Variants in MTCH2 observed in about 807,000 individuals in gnomAD.
The protein encoded by MTCH2 is mitochondrial carrier 2.
Under a neutral mutation model 50.6 loss-of-function variants are expected in MTCH2, and 25 were observed. That is an observed-to-expected ratio of 0.49 (90% CI 0.36 to 0.69). MTCH2 has a LOEUF of 0.69. Ranked by LOEUF, MTCH2 falls within the 30% of genes least tolerant of loss-of-function variation. The probability of loss-of-function intolerance (pLI) is 0.00; values close to 1 mark genes in which losing one functional copy is unlikely to be tolerated. For missense variants in MTCH2, 273 were observed against 384.4 expected, an observed-to-expected ratio of 0.71 and a Z score of 2.42; for synonymous variants, 106 against 132.0, an observed-to-expected ratio of 0.80 and a Z score of 1.35.
At chr11:47,636,893 AT>A (rs1050348934) in intron 3 of MTCH2, among the ~76,000 whole-genome samples, 1 of 152,122 alleles carries the variant, frequency 6.6e-6, no homozygotes, top group African/African-American at 2.4e-5. Context: ...CTCTAAAAAA[AT>A]AATAATAAAT....
At chr11:47,626,331 CTT>C (rs572241881) in intron 10 of MTCH2, among the ~76,000 whole-genome samples, 16 of 135,436 alleles carry the variant, frequency 1.2e-4, no homozygotes, top group East Asian at 2.1e-4. Flanking sequence ...CCTGCCCCAG[CTT>C]TTTTTTTTTT....
In MTCH2 at chr11:47,631,693, C is replaced by T. The variant is rs201087705; in HGVS notation, c.388G>A (p.Ala130Thr). ...GTGATGAGGGTAGCAGCAGAACGAGCGATCATCTCTCGAGTTGTCTAGAAA... is the reference window on the plus strand; with the variant it reads ...GTGATGAGGGTAGCAGCAGAACGAGTGATCATCTCTCGAGTTGTCTAGAAA... Reference protein sequence around the residue: ...VIKETTREMIARSAATLITHP... With the variant: ...VIKETTREMITRSAATLITHP... The change falls in exon 6 of 13, where the codon GCT becomes ACT. Residue 130 changes from alanine (A) to threonine (T), a missense_variant. Transcript: ENST00000302503. 6.8e-6 allele frequency: 11 copies of T among 1,613,964 alleles called. No individual in the cohort carries two copies. The highest frequency in any genetic ancestry group is 5.1e-6 in the Non-Finnish European group (6 of 1,179,952).
the MTCH2 span, among the ~76,000 whole-genome samples, chr11:47,605,323 C>T: frequency 0.98 from 149,878 of 152,304 alleles, 73,777 homozygotes; most frequent in East Asian, 1. Flanking sequence ...CCATTCCTAC[C>T]GGTTTCTATT....
At chr11:47,636,464 C>A (rs1400520885) in intron 3 of MTCH2, among the ~76,000 whole-genome samples, 1 of 149,486 alleles carries the variant, frequency 6.7e-6, no homozygotes, top group Non-Finnish European at 1.5e-5. Flanking sequence ...GGGCATGGTG[C>A]CTCACGCCTG....
chr11:47,633,660 C>A (rs1030204696), intron 5 of MTCH2, among the ~76,000 whole-genome samples: 5 of 150,032 alleles, frequency 3.3e-5, no homozygotes, highest in African/African-American at 1.2e-4. Flanking sequence ...CCTCAGCCCC[C>A]CAAGTAGCTG....
At chr11:47,631,589 CCTAT>C in intron 6 of MTCH2, 61 bp downstream of exon 6, 1 of 1,530,834 alleles carries the variant, frequency 6.5e-7, no homozygotes, top group South Asian at 1.1e-5. Flanking sequence ...CCCACGTCAA[CCTAT>C]CTAAGTGGTC....
chr11:47,625,813 G>C (rs1366462785), intron 10 of MTCH2, 72 bp from the exon 11 acceptor site: 2 of 1,237,050 alleles, frequency 1.6e-6, no homozygotes, highest in South Asian at 1.3e-5. Context: ...TTACCTTAAA[G>C]GCCTAGTGCC....
At chr11:47,625,511 ATCT>A (rs2097297228) in intron 11 of MTCH2, among the ~76,000 whole-genome samples, 160 bp downstream of exon 11, 2 of 152,180 alleles carry the variant, frequency 1.3e-5, no homozygotes, top group Admixed American at 6.5e-5. Flanking sequence ...AAAATTAGGA[ATCT>A]TCTAATGGTA....
intron 9 of MTCH2, 68 bp from the exon 10 acceptor site, chr11:47,627,195 C>A: frequency 8.1e-7 from 1 of 1,229,356 alleles, no homozygotes; most frequent in South Asian, 1.4e-5. Flanking sequence ...ATTCTTTTTT[C>A]CTTTTCTTTT....
downstream of MTCH2, among the ~76,000 whole-genome samples, chr11:47,615,434 C>T (rs1384835082): frequency 6.6e-6 from 1 of 152,088 alleles, no homozygotes; most frequent in Non-Finnish European, 1.5e-5. Context: ...GAAGGCACAG[C>T]CCTCTCACCC....
At chr11:47,642,258 G>A (rs1223042765) in intron 1 of MTCH2, 121 bp downstream of exon 1, 1 of 836,390 alleles carries the variant, frequency 1.2e-6, no homozygotes, top group Non-Finnish European at 1.8e-6. Context: ...AAGGGCAGCG[G>A]AGGAGCAGCA....
intron 1 of MTCH2, among the ~76,000 whole-genome samples, chr11:47,640,930 T>C (rs367877655): frequency 5.6e-4 from 85 of 152,066 alleles, no homozygotes; most frequent in African/African-American, 2.0e-3. Context: ...TGAGTTTTGC[T>C]CTGTTGCCCA....
At chr11:47,623,507 T>A (rs1355969993) in intron 11 of MTCH2, among the ~76,000 whole-genome samples, 3 of 151,628 alleles carry the variant, frequency 2.0e-5, no homozygotes, top group Admixed American at 2.0e-4. Flanking sequence ...AATCACTTCA[T>A]CTTGAAAAAA....
chr11:47,614,759 G>A (rs974140637), downstream of MTCH2, among the ~76,000 whole-genome samples: 1 of 152,108 alleles, frequency 6.6e-6, no homozygotes. Flanking sequence ...TGTAATTTTA[G>A]TAGAGATGGG....
chr11:47,621,980 C>T (rs1243334840), intron 12 of MTCH2, among the ~76,000 whole-genome samples: 1 of 152,032 alleles, frequency 6.6e-6, no homozygotes, highest in Admixed American at 6.6e-5. Context: ...GGTGATCCTC[C>T]CACCTTAGCC....
chr11:47,632,888 G>A (rs1403471613), intron 5 of MTCH2, among the ~76,000 whole-genome samples: 1 of 150,832 alleles, frequency 6.6e-6, no homozygotes, highest in African/African-American at 2.4e-5. Context: ...TTTTAGTAGA[G>A]ATGGGATTTC....
chr11:47,636,087 CA>C (rs2097308310), intron 3 of MTCH2, among the ~76,000 whole-genome samples: 1 of 151,508 alleles, frequency 6.6e-6, no homozygotes, highest in South Asian at 2.1e-4. Flanking sequence ...AAGATCACGC[CA>C]CTGCACTGCA....
intron 4 of MTCH2, 35 bp from the exon 5 acceptor site, chr11:47,634,769 ATTTT>A (rs139407275): frequency 1.3e-3 from 950 of 737,566 alleles, no homozygotes; most frequent in East Asian, 2.6e-3. Context: ...AGAGATCTTG[ATTTT>A]TTTTTTTTTT....
intron 12 of MTCH2, 113 bp from the exon 13 acceptor site, chr11:47,619,032 G>A: frequency 2.3e-6 from 2 of 873,390 alleles, no homozygotes; most frequent in Non-Finnish European, 3.8e-6. Context: ...GGACAAAACT[G>A]GGACTATCAC....
Sources: allele counts gnomAD v4.1 joint callset (sites outside exome capture counted in the v4.1 genomes callset), GRCh38; gene constraint gnomAD v4.1.1; transcripts MANE v1.5; gene names NCBI Gene and HGNC (gene_info 2026-07-23, HGNC 2026-07-21).